ENPP6: variants seen among roughly 807,000 people sequenced by gnomAD.
ENPP6 encodes the protein glycerophosphocholine cholinephosphodiesterase ENPP6.
A neutral mutation model predicts 42.0 loss-of-function variants in ENPP6; 32 were observed. The observed-to-expected ratio is 0.76, with a 90% CI of 0.58 to 1.02. The LOEUF is 1.02. Among genes scored for constraint, ENPP6 ranks in the 50% least tolerant of loss-of-function variants. The probability of loss-of-function intolerance (pLI) is 0.00; values close to 1 mark genes in which losing one functional copy is unlikely to be tolerated. For synonymous variants in ENPP6, 213 were observed against 216.0 expected (o/e 0.99, Z 0.12); for missense variants, 552 against 566.8 (o/e 0.97, Z 0.27).
rs572198836 is a variant in ENPP6 at position 184,132,023 on chromosome 4, G to C, written c.422-7751C>G. Reference sequence around the variant, plus strand: ...AGAGCAGAAGATGGATGTCCCAGCTGAAGCGATTAGGTAGGAAGGAGTGAC... The same window carrying C: ...AGAGCAGAAGATGGATGTCCCAGCTCAAGCGATTAGGTAGGAAGGAGTGAC... On this transcript the variant is annotated intron_variant, in intron 2 of 7. Transcript: ENST00000296741. Among the ~76,000 whole-genome samples, 116 of 152,276 alleles carry C rather than the reference G, an allele frequency of 7.6e-4. 2 individuals are homozygous for C. The highest frequency in any genetic ancestry group is 1.3e-3 in the Non-Finnish European group (86 of 68,030).
chr4:184,204,486 C>T (rs949567404), intron 1 of ENPP6, among the ~76,000 whole-genome samples: 2 of 152,202 alleles, frequency 1.3e-5, no homozygotes, highest in African/African-American at 2.4e-5. Context: ...CAGTGTTCCA[C>T]GCTGGTTCTG....
At chr4:184,094,057 A>T (rs1579603487) in intron 7 of ENPP6, among the ~76,000 whole-genome samples, 1 of 152,122 alleles carries the variant, frequency 6.6e-6, no homozygotes, top group African/African-American at 2.4e-5. Context: ...AGGCAGGAGG[A>T]TGGCTTGAGG....
intron 2 of ENPP6, among the ~76,000 whole-genome samples, chr4:184,138,758 C>T (rs1275742026): frequency 1.3e-5 from 2 of 152,202 alleles, no homozygotes; most frequent in East Asian, 1.9e-4. Context: ...TCTATGGGAA[C>T]TGTGATATCC....
intron 7 of ENPP6, among the ~76,000 whole-genome samples, chr4:184,094,895 G>A (rs1298423076): frequency 6.6e-6 from 1 of 152,186 alleles, no homozygotes; most frequent in Non-Finnish European, 1.5e-5. Flanking sequence ...CTCTTTGCTG[G>A]ACCAGACTCA....
At chr4:184,150,192 T>C (rs774434630) in intron 2 of ENPP6, among the ~76,000 whole-genome samples, 28 of 152,220 alleles carry the variant, frequency 1.8e-4, no homozygotes, top group Non-Finnish European at 3.5e-4. Flanking sequence ...CTAAAGGGCC[T>C]GTTGAACTAT....
intron 6 of ENPP6, among the ~76,000 whole-genome samples, chr4:184,112,295 T>C (rs1321208181): frequency 1.3e-5 from 2 of 152,260 alleles, no homozygotes; most frequent in African/African-American, 4.8e-5. Context: ...AACATTTCTC[T>C]TGAAGGTGAA....
intron 2 of ENPP6, 46 bp from the exon 3 acceptor site, chr4:184,124,318 A>G (rs1184560801): frequency 8.6e-6 from 12 of 1,387,896 alleles, no homozygotes; most frequent in Non-Finnish European, 1.1e-5. Context: ...TCAATAAGTA[A>G]TGTCGAGTTA....
chr4:184,132,467 C>T (rs1158122087), intron 2 of ENPP6, among the ~76,000 whole-genome samples: 1 of 152,106 alleles, frequency 6.6e-6, no homozygotes, highest in Non-Finnish European at 1.5e-5. Context: ...TTTATTTCCT[C>T]ATACTTTGTA....
rs191575073 is a variant in ENPP6, at chr4:184,153,496, A to T, written c.421+58T>A. 5.2e-4 allele frequency: 786 copies of T among 1,516,494 alleles called. 8 individuals carry two copies. The highest frequency in any genetic ancestry group is 8.3e-5 in the Non-Finnish European group (94 of 1,128,896). 93.9% of individuals were successfully genotyped at this position (1,516,494 alleles called of 1,614,324 possible). On this transcript the variant is annotated intron_variant, in intron 2 of 7. Transcript: ENST00000296741. ...GTCTTCAAACAGTAACTTGACACCG[A>T]CTGTCCTCAGAGACTCTATGATGAT... is the stretch of plus-strand genomic sequence containing the variant.
intron 7 of ENPP6, among the ~76,000 whole-genome samples, chr4:184,096,804 G>C (rs1735907459): frequency 6.6e-6 from 1 of 152,034 alleles, no homozygotes; most frequent in Admixed American, 6.6e-5. Context: ...AACTAAATGA[G>C]CCTCTCTGAG....
chr4:184,117,797 C>T lies in ENPP6; in HGVS notation c.637G>A (p.Val213Ile). ...SPQRKDALKA[V>I]DTVLKYMTKW... ...GTCATGTACTTCAGGACAGTGTCTA[C>T]AGCCTTGAGGGCATCTTTCCTCTGC... The change falls in exon 4 of 8, where the codon GTA (valine) becomes ATA (isoleucine). Residue 213 changes from valine (V) to isoleucine (I), a missense_variant. Transcript: ENST00000296741. 1.2e-6 allele frequency: 2 copies of T among 1,614,238 alleles called. No individual in the cohort carries two copies. The highest frequency in any genetic ancestry group is 1.6e-4 in the Middle Eastern group (1 of 6,062).
chr4:184,168,214 A>G (rs896561830), intron 1 of ENPP6, among the ~76,000 whole-genome samples: 1 of 152,110 alleles, frequency 6.6e-6, no homozygotes, highest in African/African-American at 2.4e-5. Context: ...GGAGATAATC[A>G]TACCTTTTTT....
At chr4:184,143,656 T>C (rs771305496) in intron 2 of ENPP6, among the ~76,000 whole-genome samples, 1 of 152,206 alleles carries the variant, frequency 6.6e-6, no homozygotes, top group Non-Finnish European at 1.5e-5. Flanking sequence ...CGGAATTCTC[T>C]GGGCAATCTG....
chr4:184,191,073 T>C (rs1178277868), intron 1 of ENPP6, among the ~76,000 whole-genome samples: 2 of 152,254 alleles, frequency 1.3e-5, no homozygotes, highest in African/African-American at 4.8e-5. Flanking sequence ...CACGTGCATA[T>C]GCAGCTACAA....
intron 3 of ENPP6, among the ~76,000 whole-genome samples, chr4:184,123,137 C>T (rs1192423238): frequency 1.3e-5 from 2 of 152,212 alleles, no homozygotes; most frequent in African/African-American, 2.4e-5. Flanking sequence ...GCAGTGAAGG[C>T]AGGGTGCTGT....
intron 1 of ENPP6, among the ~76,000 whole-genome samples, chr4:184,186,892 C>A (rs1347071278): frequency 6.6e-6 from 1 of 152,126 alleles, no homozygotes; most frequent in East Asian, 1.9e-4. Flanking sequence ...ACACTACCCC[C>A]CTACTCAGAA....
intron 6 of ENPP6, among the ~76,000 whole-genome samples, chr4:184,102,676 G>C (rs1736026325): frequency 6.6e-6 from 1 of 152,168 alleles, no homozygotes; most frequent in Non-Finnish European, 1.5e-5. Context: ...CGCTGTTGCA[G>C]GGCCTTGCCT....
chr4:184,196,482 G>A (rs1732802875), intron 1 of ENPP6, among the ~76,000 whole-genome samples: 1 of 152,228 alleles, frequency 6.6e-6, no homozygotes, highest in African/African-American at 2.4e-5. Context: ...ATATGTTGGT[G>A]TAATTACCAA....
chr4:184,124,169 G>C lies in ENPP6; in HGVS notation c.525C>G (p.Asp175Glu). 1 of 1,613,392 alleles carries C rather than the reference G, an allele frequency of 6.2e-7. No homozygotes were observed. Among genetic ancestry groups the C allele is most frequent in the Non-Finnish European group, 8.5e-7 (1 of 1,179,372 alleles). ...NFANAVSDAL[D>E]SFKSGRADLA... The stretch of plus-strand genomic sequence containing the variant: ...GAGTTTGGGACACTTACTTGAAGGA[G>C]TCAAGAGCATCGCTGACTGCATTGG... The change falls in exon 3 of 8, where the codon GAC (aspartate) becomes GAG (glutamate). Residue 175 changes from aspartate (D) to glutamate (E), a missense_variant. Physicochemically the swap from Asp to Glu is conservative, Grantham distance 45. Around this residue, in one of 2 missense-constraint regions of ENPP6, gnomAD observed 545 missense variants for 546.3 expected, o/e 1.00. Coordinates refer to ENST00000296741, the MANE Select transcript of ENPP6 (RefSeq NM_153343.4).
Sources: gnomAD v4.1 joint callset for allele counts (sites outside exome capture counted in the v4.1 genomes callset) on GRCh38, gnomAD v4.1.1 for gene constraint, gnomAD v4.1.1 regional missense constraint, MANE v1.5 for transcripts, NCBI Gene and HGNC (gene_info 2026-07-23, HGNC 2026-07-21) for gene names.